The following LONP1 variants were observed in gnomAD, a reference collection of about 807,000 sequenced individuals.
The protein encoded by LONP1 is lon peptidase 1, mitochondrial, also known as lon protease homolog, mitochondrial.
Under a neutral mutation model 98.5 loss-of-function variants are expected in LONP1, and 31 were observed. The ratio of observed to expected loss-of-function variants is 0.31; its 90% CI spans 0.24 to 0.42. The LOEUF (loss-of-function observed/expected upper bound fraction) is 0.42. LONP1 is among the 20% of genes least tolerant of loss of function. LONP1 has a pLI of 1.00. For missense variants in LONP1, 1,336 were observed against 1,350.6 expected (o/e 0.99, Z 0.17); for synonymous variants, 781 against 594.7 (o/e 1.31, Z -4.56).
Position 5,694,763 on chromosome 19 carries a change from T to C in LONP1, c.2152A>G (p.Lys718Glu), listed in dbSNP as rs1166394531. Residue 718 changes from lysine (K) to glutamate (E), a missense_variant and splice_region_variant, in exon 14 of 18, where the codon AAG becomes GAG. Transcript: ENST00000360614. ...AGGAGGGCGGGCTGGCCGCTCACCT[T>C]CTCCACTTGCTTCTGCAGGTTGCGG... is the stretch of plus-strand genomic sequence containing the variant. ...GVRNLQKQVE[K>E]VLRKSAYKIV... The C allele has an allele frequency of 1.3e-6, 2 of 1,588,438 alleles. No individual in the cohort carries two copies. Among genetic ancestry groups the C allele is most frequent in the East Asian group, 2.3e-5 (1 of 44,090 alleles).
chr19:5,711,951 C>T lies in LONP1; in HGVS notation c.690G>A (p.Glu230=). The change falls in exon 4 of 18, where the codon GAG becomes GAA. Residue 230 remains glutamate (E), a synonymous_variant. Transcript: ENST00000360614. ...ACTTCCTGCGGGGCTTGTGCTTGTTCTCCGCCTCCGGCTCCTCGGGCTCCA... is the reference window on the plus strand; with the variant it reads ...ACTTCCTGCGGGGCTTGTGCTTGTTTTCCGCCTCCGGCTCCTCGGGCTCCA... ...LEVEPEEPEA[E]NKHKPRRKSK... is the part of the protein sequence containing the mutation. The T allele has an allele frequency of 1.2e-6, 2 of 1,613,434 alleles. No individual in the cohort carries two copies. The highest frequency in any genetic ancestry group is 1.1e-5 in the South Asian group (1 of 91,080).
chr19:5,708,465 T>TGGGGG, intron 4 of LONP1, 62 bp from the exon 5 acceptor site: 3 of 472,638 alleles, frequency 6.3e-6, no homozygotes, highest in South Asian at 1.7e-5. Context: ...GTGGGCTGGG[T>TGGGGG]GGGAGCATGG....
At chr19:5,702,985 CT>C (rs2055082598) in intron 8 of LONP1, among the ~76,000 whole-genome samples, 1 of 150,000 alleles carries the variant, frequency 6.7e-6, no homozygotes, top group Admixed American at 6.7e-5. Context: ...CCAAATCCCC[CT>C]CTGCGAGAAA....
intron 1 of LONP1, among the ~76,000 whole-genome samples, chr19:5,718,150 G>A: frequency 6.6e-6 from 1 of 152,074 alleles, no homozygotes; most frequent in Non-Finnish European, 1.5e-5. Context: ...CTTGCTCTGG[G>A]GGCCTGCATC....
intron 4 of LONP1, 159 bp from the exon 5 acceptor site, chr19:5,708,562 T>C: frequency 2.7e-6 from 1 of 368,704 alleles, no homozygotes; most frequent in Non-Finnish European, 5.5e-6. Flanking sequence ...GATGGAGGAG[T>C]GCAGTCCCTG....
At chr19:5,712,531 C>CT in intron 3 of LONP1, 1 of 176,822 alleles carries the variant, frequency 5.7e-6, no homozygotes, top group Non-Finnish European at 1.2e-5. Flanking sequence ...GGGTCTCGCT[C>CT]TGTTGCCCAG....
Position 5,711,802 on chromosome 19 carries a change from T to C in LONP1, c.839A>G (p.His280Arg). Residue 280 changes from histidine to arginine, a missense_variant, in exon 4 of 18, where the codon CAC (histidine) becomes CGC (arginine). Around this residue, in one of 5 missense-constraint regions of LONP1, gnomAD observed 457 missense variants for 403.1 expected, o/e 1.13. Coordinates refer to ENST00000360614, the MANE Select transcript of LONP1 (RefSeq NM_004793.4). ...CTCCTCCGTGACCTGGAAGTCCTCGTGGACAACGTTCTCTACCTCCACCAT... is the reference window on the plus strand; with the variant it reads ...CTCCTCCGTGACCTGGAAGTCCTCGCGGACAACGTTCTCTACCTCCACCAT... ...VLMVEVENVV[H>R]EDFQVTEEVK... is the part of the protein sequence containing the mutation. 1 of 1,611,378 alleles carries C rather than the reference T, an allele frequency of 6.2e-7. No individual in the cohort carries two copies. The highest frequency in any genetic ancestry group is 8.5e-7 in the Non-Finnish European group (1 of 1,178,726).
chr19:5,714,319 T>C (rs1442090186), intron 1 of LONP1, 48 bp from the exon 2 acceptor site: 2 of 1,367,362 alleles, frequency 1.5e-6, no homozygotes, highest in Admixed American at 3.5e-5. Flanking sequence ...GATTTTTTTT[T>C]TGAGACAGAG....
At chr19:5,704,577 T>G (rs543573116) in intron 8 of LONP1, among the ~76,000 whole-genome samples, 4 of 152,318 alleles carry the variant, frequency 2.6e-5, no homozygotes, top group African/African-American at 4.8e-5. Flanking sequence ...GAAGCTGCCC[T>G]GGCGTGACAA....
At chr19:5,711,020 C>CT (rs1312855693) in intron 4 of LONP1, among the ~76,000 whole-genome samples, 1 of 151,000 alleles carries the variant, frequency 6.6e-6, no homozygotes, top group Non-Finnish European at 1.5e-5. Flanking sequence ...GAGCCAGACT[C>CT]TGTCTCAAAA....
intron 13 of LONP1, among the ~76,000 whole-genome samples, 199 bp downstream of exon 13, chr19:5,695,855 T>TA (rs1482585050): frequency 1.3e-5 from 2 of 152,154 alleles, no homozygotes; most frequent in Non-Finnish European, 2.9e-5. Context: ...TCCCAGGCCC[T>TA]AAACCCTGCG....
intron 4 of LONP1, 52 bp downstream of exon 4, chr19:5,711,715 CAAGG>C: frequency 2.7e-6 from 4 of 1,474,098 alleles, no homozygotes; most frequent in Non-Finnish European, 3.7e-6. Context: ...AGGAACGGCT[CAAGG>C]GAGCCCGTGG....
At chr19:5,697,630 T>C (rs1027338745) in intron 10 of LONP1, among the ~76,000 whole-genome samples, 5 of 150,194 alleles carry the variant, frequency 3.3e-5, no homozygotes, top group Non-Finnish European at 5.9e-5. Flanking sequence ...TGCGGGGTCC[T>C]GTGGGCTGCA....
chr19:5,694,676 GGAT>G, intron 14 of LONP1, 82 bp downstream of exon 14: 1 of 1,565,876 alleles, frequency 6.4e-7, no homozygotes, highest in African/African-American at 1.3e-5. Flanking sequence ...CAGGAAAGTG[GGAT>G]GATGGGCATG....
chr19:5,696,030 G>C (rs1363532951), intron 13 of LONP1, 24 bp downstream of exon 13: 36 of 1,597,302 alleles, frequency 2.3e-5, no homozygotes, highest in Non-Finnish European at 3.1e-5. Context: ...GAAGGGGACA[G>C]CAGTGGGGAG....
At chr19:5,702,919 C>CCCGT (rs1355117867) in intron 8 of LONP1, among the ~76,000 whole-genome samples, 6 of 150,786 alleles carry the variant, frequency 4.0e-5, no homozygotes, top group Non-Finnish European at 8.9e-5. Context: ...AAACCAGAGA[C>CCCGT]CCTTGTTCAC....
intron 1 of LONP1, among the ~76,000 whole-genome samples, chr19:5,716,853 G>A (rs984028173): frequency 5.3e-5 from 8 of 152,292 alleles, no homozygotes; most frequent in East Asian, 3.9e-4. Context: ...GAGCGCAGTG[G>A]AGCGATCTCA....
Position 5,691,901 on chromosome 19 carries a change from T to C in LONP1, c.*131A>G, listed in dbSNP as rs2054828429. On this transcript the variant is annotated 3_prime_UTR_variant, in exon 18 of 18. Coordinates refer to ENST00000360614, the MANE Select transcript of LONP1 (RefSeq NM_004793.4). ...CTCTGATTAAGCCGACTGAGGTCCCTGGGATCTGGGTCACTGGACCGAGCT... is the reference window on the plus strand; with the variant it reads ...CTCTGATTAAGCCGACTGAGGTCCCCGGGATCTGGGTCACTGGACCGAGCT... The C allele has an allele frequency of 9.6e-7, 1 of 1,046,306 alleles. No homozygotes were observed. The highest frequency in any genetic ancestry group is 1.6e-5 in the South Asian group (1 of 62,936). 64.8% of individuals were successfully genotyped at this position (1,046,306 alleles called of 1,614,324 possible).
At chr19:5,692,552 A>G (rs571604162) in intron 17 of LONP1, among the ~76,000 whole-genome samples, 1 of 152,274 alleles carries the variant, frequency 6.6e-6, no homozygotes, top group South Asian at 2.1e-4. Flanking sequence ...GGGCCTGAAC[A>G]GGGTTCCTGT....
Sources: allele counts gnomAD v4.1 joint callset (sites outside exome capture counted in the v4.1 genomes callset), GRCh38; gene constraint gnomAD v4.1.1; regional missense constraint gnomAD v4.1.1; transcripts MANE v1.5; gene names NCBI Gene and HGNC (gene_info 2026-07-23, HGNC 2026-07-21).